Variants in MAML2 observed in about 807,000 individuals in gnomAD.
MAML2 encodes the protein mastermind like transcriptional coactivator 2, also known as mastermind-like protein 2.
Under a neutral mutation model 96.1 loss-of-function variants are expected in MAML2, and 22 were observed. The ratio of observed to expected loss-of-function variants is 0.23; its 90% CI spans 0.16 to 0.33. The LOEUF is 0.33. Among genes scored for constraint, MAML2 ranks in the 10% least tolerant of loss-of-function variants. MAML2 has a pLI of 1.00. For missense variants in MAML2, 1,367 were observed against 1,392.4 expected, an observed-to-expected ratio of 0.98 and a Z score of 0.29; for synonymous variants, 561 against 521.3, an observed-to-expected ratio of 1.08 and a Z score of -1.04.
At chr11:96,218,113 G>A (rs780428182) in intron 1 of MAML2, among the ~76,000 whole-genome samples, 5 of 152,122 alleles carry the variant, frequency 3.3e-5, no homozygotes, top group African/African-American at 7.2e-5. Flanking sequence ...TTTCTGCGTC[G>A]AGGTACTTGT....
At chr11:96,113,596 C>T (rs867082555) in intron 1 of MAML2, among the ~76,000 whole-genome samples, 5 of 109,176 alleles carry the variant, frequency 4.6e-5, no homozygotes, top group Middle Eastern at 5.3e-3. Flanking sequence ...TCTCCATCCC[C>T]GTTGTTTGAA....
chr11:96,102,041 C>T (rs1199409668), intron 1 of MAML2, among the ~76,000 whole-genome samples: 2 of 152,146 alleles, frequency 1.3e-5, no homozygotes, highest in African/African-American at 4.8e-5. Flanking sequence ...CTTTGGGAGG[C>T]TGAGGCAGAC....
chr11:96,128,634 C>T (rs1480666623), intron 1 of MAML2, among the ~76,000 whole-genome samples: 2 of 152,166 alleles, frequency 1.3e-5, no homozygotes, highest in Admixed American at 6.5e-5. Context: ...ACCTAGGGCT[C>T]TCCAATACCT....
Position 96,342,821 on chromosome 11 carries a change from T to TA in MAML2, c.-927dup, listed in dbSNP as rs531527571. 4.1e-5 allele frequency: 13 copies of TA among 320,252 alleles called. No individual in the cohort carries two copies. Among genetic ancestry groups the TA allele is most frequent in the Non-Finnish European group, 6.8e-5 (12 of 176,810 alleles). The allele number at this position is 320,252 out of a possible 1,614,324, so 19.8% of individuals were successfully genotyped here. Reference sequence around the variant, plus strand: ...TTTTTTTCTTTCCCGCTTACGTTTCTATTCCTCACCCCCGGCTCTATTCTA... The same window carrying TA: ...TTTTTTTCTTTCCCGCTTACGTTTCTAATTCCTCACCCCCGGCTCTATTCTA... On this transcript the variant is annotated 5_prime_UTR_variant, in exon 1 of 5. Transcript: ENST00000524717.
At chr11:96,281,961 G>T (rs776923536) in intron 1 of MAML2, among the ~76,000 whole-genome samples, 2 of 151,992 alleles carry the variant, frequency 1.3e-5, no homozygotes, top group Admixed American at 1.3e-4. Flanking sequence ...GAAAAATAAT[G>T]ACTGTAGGCC....
At chr11:95,987,670 A>C (rs1857848490) in intron 3 of MAML2, among the ~76,000 whole-genome samples, 1 of 152,214 alleles carries the variant, frequency 6.6e-6, no homozygotes, top group Non-Finnish European at 1.5e-5. Flanking sequence ...TAGTAGAATA[A>C]GTCTACTATA....
intron 1 of MAML2, among the ~76,000 whole-genome samples, chr11:96,329,439 C>T (rs1591135616): frequency 1.3e-5 from 2 of 152,210 alleles, no homozygotes; most frequent in South Asian, 4.1e-4. Context: ...TTTGTCACTG[C>T]TCCTTTCAAT....
intron 1 of MAML2, among the ~76,000 whole-genome samples, chr11:96,252,227 T>A (rs918105744): frequency 2.0e-5 from 3 of 151,496 alleles, no homozygotes; most frequent in African/African-American, 7.3e-5. Flanking sequence ...CAATAGAAAA[T>A]GAAGTCAACC....
intron 1 of MAML2, among the ~76,000 whole-genome samples, chr11:96,102,914 A>G (rs947372229): frequency 6.6e-6 from 1 of 152,210 alleles, no homozygotes; most frequent in Non-Finnish European, 1.5e-5. Context: ...AGCAAATCCA[A>G]AGTAAATGCT....
rs758125670 is a variant in MAML2, at chr11:95,978,934, C to T, written c.*14G>A. On this transcript the variant is annotated 3_prime_UTR_variant, in exon 5 of 5. Coordinates refer to ENST00000524717, the MANE Select transcript of MAML2 (RefSeq NM_032427.4). ...TTAGTGCTTGGAGTTTGTAAATTGTCTTCCCTTTCTTCTTTAGGAATTGTT... is the reference window on the plus strand; with the variant it reads ...TTAGTGCTTGGAGTTTGTAAATTGTTTTCCCTTTCTTCTTTAGGAATTGTT... 1 of 1,589,366 alleles carries T rather than the reference C, an allele frequency of 6.3e-7. No individual in the cohort carries two copies. The highest frequency in any genetic ancestry group is 1.2e-5 in the South Asian group (1 of 86,152).
At chr11:96,055,831 T>C (rs1429704546) in intron 2 of MAML2, among the ~76,000 whole-genome samples, 1 of 152,232 alleles carries the variant, frequency 6.6e-6, no homozygotes, top group African/African-American at 2.4e-5. Context: ...AAAGATCACT[T>C]TGTCTAAAGA....
At chr11:96,159,340 G>T (rs888577123) in intron 1 of MAML2, among the ~76,000 whole-genome samples, 1 of 147,574 alleles carries the variant, frequency 6.8e-6, no homozygotes, top group Middle Eastern at 3.5e-3. Context: ...CGGATTTGTT[G>T]TCAGTCCCTT....
Position 95,985,548 on chromosome 11 carries a change from G to T in MAML2, c.2438C>A (p.Pro813Gln). 1 of 1,604,500 alleles carries T rather than the reference G, an allele frequency of 6.2e-7. No individual in the cohort carries two copies. Among genetic ancestry groups the T allele is most frequent in the Non-Finnish European group, 8.5e-7 (1 of 1,172,454 alleles). ...DQRRNVGNMQ[P>Q]TAQYSGGSST... The stretch of plus-strand genomic sequence containing the variant: ...ACACTTACCAGAATACTGAGCAGTT[G>T]GTTGCATATTGCCCACATTTCTTCT... The change falls in exon 4 of 5, where the codon CCA becomes CAA. Residue 813 changes from proline to glutamine, a missense_variant. Transcript: ENST00000524717.
intron 2 of MAML2, among the ~76,000 whole-genome samples, chr11:96,083,205 A>C (rs1859555210): frequency 6.6e-6 from 1 of 152,206 alleles, no homozygotes; most frequent in African/African-American, 2.4e-5. Flanking sequence ...TTTTCTACAA[A>C]GCAATTTTGA....
intron 2 of MAML2, among the ~76,000 whole-genome samples, chr11:96,038,975 G>C (rs958250794): frequency 3.3e-5 from 5 of 152,146 alleles, no homozygotes; most frequent in Admixed American, 3.3e-4. Flanking sequence ...TTCTAGGCCA[G>C]GCGGAATTAC....
chr11:96,006,872 T>TACACACACACACACAC (rs57492080), intron 2 of MAML2, among the ~76,000 whole-genome samples: 2 of 123,968 alleles, frequency 1.6e-5, no homozygotes, highest in Admixed American at 8.1e-5. Context: ...GAATATCTTA[T>TACACACACACACACAC]ACACACACAC....
rs1055410655 is a variant in MAML2 at position 96,269,452 on chromosome 11, T to C, written c.513+71931A>G. ...CTGTTTCCTTCCACTCACTTTGGCA[T>C]GTCCTAGTAAGTATATATATAATCC... On this transcript the variant is annotated intron_variant, in intron 1 of 4. Transcript: ENST00000524717. Among the ~76,000 whole-genome samples the C allele has an allele frequency of 1.4e-5, 2 of 144,006 alleles. 1 individual carries two copies. Among genetic ancestry groups the C allele is most frequent in the Admixed American group, 1.5e-4 (2 of 13,714 alleles). The allele number at this position is 144,006 out of a possible 152,430, so 94.5% of individuals were successfully genotyped here. A position where few individuals can be genotyped will look rare whatever the true frequency, so the allele number is the denominator to read the frequency against.
At chr11:95,986,275 G>T (rs1336580969) in intron 3 of MAML2, among the ~76,000 whole-genome samples, 1 of 151,954 alleles carries the variant, frequency 6.6e-6, no homozygotes, top group Non-Finnish European at 1.5e-5. Flanking sequence ...TGTGATCTCG[G>T]CTTACTGCAA....
chr11:96,285,082 A>G (rs1863120373), intron 1 of MAML2, among the ~76,000 whole-genome samples: 1 of 152,196 alleles, frequency 6.6e-6, no homozygotes, highest in Admixed American at 6.5e-5. Flanking sequence ...AACTTGTCCA[A>G]AGTCACACAG....
Sources: gnomAD v4.1 joint callset for allele counts (sites outside exome capture counted in the v4.1 genomes callset) on GRCh38, gnomAD v4.1.1 for gene constraint, MANE v1.5 for transcripts, NCBI Gene and HGNC (gene_info 2026-07-23, HGNC 2026-07-21) for gene names.